Variants in NRXN3 observed in about 807,000 individuals in gnomAD.
NRXN3 encodes neurexin III.
A neutral mutation model predicts 137.6 loss-of-function variants in NRXN3; 32 were observed. That is an observed-to-expected ratio of 0.23 (90% CI 0.18 to 0.31). The LOEUF is 0.31. Ranked by LOEUF, NRXN3 falls within the 10% of genes least tolerant of loss-of-function variation. NRXN3 has a pLI of 1.00. For missense variants in NRXN3, 1,574 were observed against 2,062.5 expected (o/e 0.76, Z 4.59); for synonymous variants, 798 against 784.5 (o/e 1.02, Z -0.29).
At chr14:78,886,901 A>C (rs2099145459) in intron 10 of NRXN3, among the ~76,000 whole-genome samples, 1 of 152,144 alleles carries the variant, frequency 6.6e-6, no homozygotes, top group Non-Finnish European at 1.5e-5. Context: ...TTTGCTGTGA[A>C]TCATACCATA....
At chr14:78,257,558 A>G (rs1317070170) in intron 2 of NRXN3, among the ~76,000 whole-genome samples, 1 of 152,248 alleles carries the variant, frequency 6.6e-6, no homozygotes, top group East Asian at 1.9e-4. Flanking sequence ...CTTGGGCAGG[A>G]CATGGAAGCA....
At chr14:78,867,489 A>G (rs1316237761) in intron 10 of NRXN3, among the ~76,000 whole-genome samples, 2 of 152,198 alleles carry the variant, frequency 1.3e-5, no homozygotes, top group South Asian at 2.1e-4. Flanking sequence ...GGAGCTCAGA[A>G]CACACTGACT....
At chr14:78,396,686 T>C (rs2091490427) in intron 4 of NRXN3, among the ~76,000 whole-genome samples, 1 of 152,226 alleles carries the variant, frequency 6.6e-6, no homozygotes, top group African/African-American at 2.4e-5. Flanking sequence ...ATGAGAAATA[T>C]GCTATCATTC....
At chr14:79,121,859 C>A (rs1004882603) in intron 15 of NRXN3, among the ~76,000 whole-genome samples, 43 of 152,178 alleles carry the variant, frequency 2.8e-4, no homozygotes, top group African/African-American at 9.9e-4. Context: ...ATGAACCAAA[C>A]CATAGTAACT....
intron 4 of NRXN3, among the ~76,000 whole-genome samples, chr14:78,585,927 A>G (rs1459964530): frequency 6.6e-6 from 1 of 152,196 alleles, no homozygotes; most frequent in Non-Finnish European, 1.5e-5. Flanking sequence ...ATTAGCATAC[A>G]CATGCTATTT....
intron 1 of NRXN3, among the ~76,000 whole-genome samples, chr14:78,233,053 G>A (rs936263094): frequency 6.6e-6 from 1 of 152,196 alleles, no homozygotes; most frequent in Non-Finnish European, 1.5e-5. Context: ...AGGCTACCTT[G>A]GGGATGGAGT....
intron 16 of NRXN3, among the ~76,000 whole-genome samples, chr14:79,634,426 G>A (rs2153945541): frequency 1.3e-5 from 2 of 152,336 alleles, no homozygotes; most frequent in South Asian, 4.1e-4. Flanking sequence ...TTAGGTTCAA[G>A]TGAAAATAAT....
chr14:78,412,836 C>T lies in NRXN3; in HGVS notation c.757+114976C>T, dbSNP rs551059897. On this transcript the variant is annotated intron_variant, in intron 4 of 20. Coordinates refer to ENST00000335750, the MANE Select transcript of NRXN3 (RefSeq NM_001330195.2). ...GTGATTTCCTTTGTTGGCCATTACT[C>T]TTCAGAGTGGTGGTGAGGTTGGGAA... Among the ~76,000 whole-genome samples the T allele has an allele frequency of 2.5e-4, 38 of 152,280 alleles. No individual in the cohort carries two copies. In the South Asian group the frequency reaches 6.6e-3, roughly 27 times the overall value.
chr14:79,427,457 C>G (rs1367111778), intron 15 of NRXN3, among the ~76,000 whole-genome samples: 2 of 151,964 alleles, frequency 1.3e-5, no homozygotes, highest in Admixed American at 1.3e-4. Flanking sequence ...CACACACACA[C>G]AAACACACAC....
Position 79,011,111 on chromosome 14 carries a change from T to G in NRXN3, c.3262+22970T>G, listed in dbSNP as rs79666255. 4.7e-4 allele frequency among the ~76,000 whole-genome samples: 72 copies of G among 152,284 alleles called. No individual in the cohort carries two copies. The East Asian group carries it at 0.012, about 24-fold the overall frequency. ...TCTCTATTTACGTAGAGGTCTCAAG[T>G]GTTTGTATTAACAGGTTTGGAGGAT... On this transcript the variant is annotated intron_variant, in intron 15 of 20. Coordinates refer to ENST00000335750, the MANE Select transcript of NRXN3 (RefSeq NM_001330195.2).
Position 78,215,152 on chromosome 14 carries a change from A to T in NRXN3, c.-703-27239A>T, listed in dbSNP as rs2063129329. Among the ~76,000 whole-genome samples the T allele has an allele frequency of 1.3e-5, 2 of 152,150 alleles. 1 individual carries two copies. Among genetic ancestry groups the T allele is most frequent in the South Asian group, 4.2e-4 (2 of 4,818 alleles). Reference sequence around the variant, plus strand: ...CTAAACCCACTGGAGATGGGGGTGGATGGGGGTACTGTCCAGACCCTGTTG... The same window carrying T: ...CTAAACCCACTGGAGATGGGGGTGGTTGGGGGTACTGTCCAGACCCTGTTG... On this transcript the variant is annotated intron_variant, in intron 1 of 20. Coordinates refer to ENST00000335750, the MANE Select transcript of NRXN3 (RefSeq NM_001330195.2).
chr14:79,821,534 T>C (rs967965843), intron 20 of NRXN3, among the ~76,000 whole-genome samples: 1 of 152,230 alleles, frequency 6.6e-6, no homozygotes, highest in Non-Finnish European at 1.5e-5. Context: ...CTTTTGTTTC[T>C]TAAATTCCTT....
At chr14:78,512,709 G>A (rs1200501910) in intron 4 of NRXN3, among the ~76,000 whole-genome samples, 2 of 152,138 alleles carry the variant, frequency 1.3e-5, no homozygotes, top group African/African-American at 2.4e-5. Context: ...CGACAGATGT[G>A]ATGCCTTCCT....
At chr14:79,628,991 A>G (rs1306445331) in intron 16 of NRXN3, among the ~76,000 whole-genome samples, 3 of 152,192 alleles carry the variant, frequency 2.0e-5, no homozygotes, top group Admixed American at 6.5e-5. Flanking sequence ...GATTGTTCAA[A>G]CTAGATCCGT....
At chr14:78,620,708 T>G (rs1041065165) in intron 4 of NRXN3, among the ~76,000 whole-genome samples, 1 of 152,228 alleles carries the variant, frequency 6.6e-6, no homozygotes, top group Admixed American at 6.5e-5. Context: ...GTTGAGTGTT[T>G]ACTATAGGCT....
chr14:78,761,455 A>AT (rs2098692218), intron 8 of NRXN3, among the ~76,000 whole-genome samples: 1 of 152,098 alleles, frequency 6.6e-6, no homozygotes, highest in Admixed American at 6.6e-5. Flanking sequence ...TCCAGAGGGG[A>AT]TTTTGCAGTA....
chr14:78,961,630 C>A (rs1168590451), intron 11 of NRXN3, among the ~76,000 whole-genome samples: 1 of 152,182 alleles, frequency 6.6e-6, no homozygotes, highest in Non-Finnish European at 1.5e-5. Flanking sequence ...ATACGTTTAA[C>A]CCTGCTAACT....
intron 15 of NRXN3, among the ~76,000 whole-genome samples, chr14:79,339,103 A>G (rs531127886): frequency 6.6e-6 from 1 of 152,280 alleles, no homozygotes; most frequent in South Asian, 2.1e-4. Context: ...TCACACACCA[A>G]CAGCCTATGA....
intron 15 of NRXN3, among the ~76,000 whole-genome samples, chr14:79,294,019 A>G (rs906784739): frequency 3.3e-5 from 5 of 152,260 alleles, no homozygotes; most frequent in African/African-American, 9.6e-5. Flanking sequence ...GATCATCACA[A>G]GACACCATTA....
Sources: allele counts gnomAD v4.1 joint callset (sites outside exome capture counted in the v4.1 genomes callset), GRCh38; gene constraint gnomAD v4.1.1; transcripts MANE v1.5; gene names NCBI Gene and HGNC (gene_info 2026-07-23, HGNC 2026-07-21).